Variants in EMID1 observed in about 807,000 individuals in gnomAD.
The protein encoded by EMID1 is EMI domain containing 1.
A neutral mutation model predicts 60.6 loss-of-function variants in EMID1; 40 were observed. The ratio of observed to expected loss-of-function variants is 0.66; its 90% CI spans 0.51 to 0.86. The LOEUF (loss-of-function observed/expected upper bound fraction) is 0.86, where lower values mean the gene tolerates loss of function less well. Ranked by LOEUF, EMID1 falls within the 40% of genes least tolerant of loss-of-function variation. The probability of loss-of-function intolerance (pLI) is 0.00; values close to 1 mark genes in which losing one functional copy is unlikely to be tolerated. For missense variants in EMID1, 585 were observed against 597.1 expected, an observed-to-expected ratio of 0.98 and a Z score of 0.21; for synonymous variants, 242 against 231.0, an observed-to-expected ratio of 1.05 and a Z score of -0.43.
At chr22:29,245,550 CTGGGGGCTGCATGAAGCTT>C (rs901410377) in intron 13 of EMID1, among the ~76,000 whole-genome samples, 32 of 152,154 alleles carry the variant, frequency 2.1e-4, no homozygotes, top group Non-Finnish European at 3.1e-4. Flanking sequence ...ACCCACTGGG[CTGGGGGCTGCATGAAGCTT>C]TGGGGGCTGG....
At chr22:29,255,937 G>A (rs1215525630) in intron 14 of EMID1, among the ~76,000 whole-genome samples, 1 of 152,184 alleles carries the variant, frequency 6.6e-6, no homozygotes, top group Admixed American at 6.5e-5. Context: ...GGTTGGGGTA[G>A]TACAGGAGGT....
intron 14 of EMID1, 70 bp from the exon 15 acceptor site, chr22:29,258,747 G>A (rs565653808): frequency 6.3e-7 from 1 of 1,577,484 alleles, no homozygotes; most frequent in East Asian, 2.3e-5. Context: ...ACCCCCTAGA[G>A]GGCCAAGGGG....
In EMID1 at chr22:29,215,027, G is replaced by A. The variant is rs1184469193; in HGVS notation, c.203G>A (p.Cys68Tyr). The change falls in exon 2 of 15, where the codon TGT becomes TAT. Residue 68 changes from cysteine to tyrosine, a missense_variant. Cys to Tyr is a radical substitution (Grantham distance 194). Transcript: ENST00000334018. The stretch of plus-strand genomic sequence containing the variant: ...CAGAACTGCCCCTGGCCCATGAGCT[G>A]TCCGGGGAGCAGGTAAATGAGGTGG... ...VLQNCPWPMSCPGSSYRTVVR... is the reference protein window; with the variant it reads ...VLQNCPWPMSYPGSSYRTVVR... 1.3e-6 allele frequency: 2 copies of A among 1,540,152 alleles called. No individual in the cohort carries two copies. The highest frequency in any genetic ancestry group is 2.7e-5 in the African/African-American group (2 of 73,026).
chr22:29,259,000 C>G lies in EMID1; in HGVS notation c.*56C>G. The G allele has an allele frequency of 1.3e-6, 2 of 1,570,604 alleles. 1 individual carries two copies. Among genetic ancestry groups the G allele is most frequent in the South Asian group, 2.3e-5 (2 of 86,622 alleles). On this transcript the variant is annotated 3_prime_UTR_variant, in exon 15 of 15. Transcript: ENST00000334018. ...CCAGGCTTCCCCTCCTACCTGGACT[C>G]GGCCAGCTGCCTCCAGGGACCGCCC...
At chr22:29,230,218 A>G (rs913985332) in intron 5 of EMID1, among the ~76,000 whole-genome samples, 1 of 152,102 alleles carries the variant, frequency 6.6e-6, no homozygotes, top group Non-Finnish European at 1.5e-5. Context: ...CTGTAATCCC[A>G]GTTACTCTGG....
chr22:29,252,176 T>C (rs2744464), intron 13 of EMID1, among the ~76,000 whole-genome samples: 89,172 of 151,982 alleles, frequency 0.59, 26,431 homozygotes, highest in Middle Eastern at 0.66. Context: ...ATGCAGCTCG[T>C]GGTGACCCTG....
intron 3 of EMID1, among the ~76,000 whole-genome samples, chr22:29,217,697 C>G (rs1351934692): frequency 6.6e-6 from 1 of 152,086 alleles, no homozygotes; most frequent in East Asian, 1.9e-4. Context: ...AATGTTGGAG[C>G]CTATGGAGGA....
intron 5 of EMID1, 139 bp from the exon 6 acceptor site, chr22:29,230,881 G>T: frequency 6.5e-6 from 7 of 1,080,298 alleles, no homozygotes; most frequent in Non-Finnish European, 8.9e-6. Flanking sequence ...GCTTAAGCCC[G>T]GGTGGTTGAG....
chr22:29,259,411 C>T lies in EMID1; in HGVS notation c.*467C>T, dbSNP rs1373080505. 2 of 173,902 alleles carry T rather than the reference C, an allele frequency of 1.2e-5. No individual in the cohort carries two copies. The highest frequency in any genetic ancestry group is 1.2e-4 in the Admixed American group (2 of 16,312). 10.8% of individuals were successfully genotyped at this position (173,902 alleles called of 1,614,324 possible). A position where few individuals can be genotyped will look rare whatever the true frequency, so the allele number is the denominator to read the frequency against. The stretch of plus-strand genomic sequence containing the variant: ...CCACCCCGAGGTCAGGCTGCCCAAT[C>T]CTCTGACTGGATCACCGGGGGCTTC... On this transcript the variant is annotated 3_prime_UTR_variant, in exon 15 of 15. Coordinates refer to ENST00000334018, the MANE Select transcript of EMID1 (RefSeq NM_133455.4).
intron 3 of EMID1, among the ~76,000 whole-genome samples, chr22:29,221,065 ACGTGTGTGTGTGTGTGTGTGTG>A (rs2040272802): frequency 2.3e-5 from 1 of 43,680 alleles, no homozygotes; most frequent in African/African-American, 7.2e-5. Flanking sequence ...TGGGGTGGGA[ACGTGTGTGTGTGTGTGTGTGTG>A]TGTGTGTGTG....
intron 13 of EMID1, among the ~76,000 whole-genome samples, chr22:29,252,147 G>A (rs895342433): frequency 3.3e-5 from 5 of 152,274 alleles, no homozygotes; most frequent in African/African-American, 7.2e-5. Context: ...TGTAATACTC[G>A]AAAGGGGATT....
chr22:29,223,817 C>A (rs2040393302), intron 3 of EMID1, among the ~76,000 whole-genome samples: 1 of 152,362 alleles, frequency 6.6e-6, no homozygotes, highest in African/African-American at 2.4e-5. Flanking sequence ...TACTAGCACC[C>A]ACTCACAGTT....
intron 2 of EMID1, 126 bp downstream of exon 2, chr22:29,215,165 T>C (rs1174879725): frequency 1.4e-6 from 2 of 1,422,510 alleles, no homozygotes; most frequent in African/African-American, 1.4e-5. Flanking sequence ...GGAGCAAAGG[T>C]AGCATCAGCC....
intron 14 of EMID1, among the ~76,000 whole-genome samples, chr22:29,257,256 C>T (rs149453251): frequency 5.3e-5 from 8 of 152,204 alleles, no homozygotes; most frequent in Non-Finnish European, 1.0e-4. Context: ...TCCCCATTGG[C>T]GCAACATACA....
In EMID1 at chr22:29,206,046, G is replaced by T. The variant is rs990583081; in HGVS notation, c.8G>T (p.Gly3Val). Residue 3 changes from glycine (G) to valine (V), a missense_variant, in exon 1 of 15, where the codon GGC becomes GTC. Transcript: ENST00000334018. Reference protein sequence around the residue: MGGPRAWALLCLG... With the variant: MGVPRAWALLCLG... ...GAGGGCGCCTGGTGCAGCATGGGCG[G>T]CCCGCGGGCTTGGGCGCTGCTCTGC... is the stretch of plus-strand genomic sequence containing the variant. 41 of 1,226,782 alleles carry T rather than the reference G, an allele frequency of 3.3e-5. No individual in the cohort carries two copies. Among genetic ancestry groups the T allele is most frequent in the African/African-American group, 7.8e-5 (5 of 64,090 alleles). 76.0% of individuals were successfully genotyped at this position (1,226,782 alleles called of 1,614,324 possible). A position where few individuals can be genotyped will look rare whatever the true frequency, so the allele number is the denominator to read the frequency against.
chr22:29,233,255 T>C, intron 8 of EMID1, 124 bp from the exon 9 acceptor site: 1 of 954,346 alleles, frequency 1.0e-6, no homozygotes, highest in South Asian at 1.5e-5. Flanking sequence ...GGTGCCCAGG[T>C]GGTACCAGCC....
chr22:29,236,953 T>C (rs951906527), intron 12 of EMID1, among the ~76,000 whole-genome samples: 4 of 151,380 alleles, frequency 2.6e-5, no homozygotes, highest in East Asian at 2.0e-4. Flanking sequence ...CCCACCACCA[T>C]ACCTGGCTAA....
In EMID1 at chr22:29,255,391, C is replaced by T. The variant is rs1169591413; in HGVS notation, c.1204+1104C>T. 4.3e-6 allele frequency: 6 copies of T among 1,410,094 alleles called. No homozygotes were observed. The South Asian group carries it at 4.7e-5, about 11-fold the overall frequency. The allele number at this position is 1,410,094 out of a possible 1,614,324, so 87.3% of individuals were successfully genotyped here. A position where few individuals can be genotyped will look rare whatever the true frequency, so the allele number is the denominator to read the frequency against. On this transcript the variant is annotated intron_variant, in intron 14 of 14. Transcript: ENST00000334018. ...TGGCAGGGCGGGCAGGCAGGGGCAGCCTCTTCCAGGAAGGGCCTGGAAAAG... is the reference window on the plus strand; with the variant it reads ...TGGCAGGGCGGGCAGGCAGGGGCAGTCTCTTCCAGGAAGGGCCTGGAAAAG...
intron 7 of EMID1, 60 bp downstream of exon 7, chr22:29,231,742 C>T: frequency 7.2e-7 from 1 of 1,394,200 alleles, no homozygotes; most frequent in Non-Finnish European, 9.4e-7. Context: ...CAGGTGGGCC[C>T]TTCCCTGCTC....
Sources: allele counts gnomAD v4.1 joint callset (sites outside exome capture counted in the v4.1 genomes callset), GRCh38; gene constraint gnomAD v4.1.1; transcripts MANE v1.5; gene names NCBI Gene and HGNC (gene_info 2026-07-23, HGNC 2026-07-21).